MORN1: variants seen among roughly 807,000 people sequenced by gnomAD.
The protein encoded by MORN1 is MORN repeat-containing protein 1.
In MORN1, 67 loss-of-function variants were observed where a neutral mutation model predicts 61.9. The observed-to-expected ratio is 1.08, with a 90% CI of 0.89 to 1.33. MORN1 has a LOEUF of 1.33. Among genes scored for constraint, MORN1 ranks in the 40% most tolerant of loss-of-function variants. The pLI is 0.00. For synonymous variants in MORN1, 301 were observed against 292.0 expected (o/e 1.03, Z -0.31); for missense variants, 752 against 691.2 (o/e 1.09, Z -0.99).
chr1:2,325,906 T>C (rs773722841), intron 12 of MORN1, among the ~76,000 whole-genome samples: 1 of 152,228 alleles, frequency 6.6e-6, no homozygotes, highest in Non-Finnish European at 1.5e-5. Context: ...ATTACTGGCA[T>C]GAGCCACCGT....
Position 2,323,108 on chromosome 1 carries a change from A to G in MORN1, c.1297+989T>C. 7.1e-6 allele frequency: 7 copies of G among 985,374 alleles called. No homozygotes were observed. The South Asian group carries it at 2.8e-4, about 40-fold the overall frequency. 61.0% of individuals were successfully genotyped at this position (985,374 alleles called of 1,614,324 possible). A position where few individuals can be genotyped will look rare whatever the true frequency, so the allele number is the denominator to read the frequency against. On this transcript the variant is annotated intron_variant, in intron 13 of 13. Coordinates refer to ENST00000378531, the MANE Select transcript of MORN1 (RefSeq NM_024848.3). ...GCGCCTAGCCGATTCCTGTCACTGC[A>G]GAGATGTCCCCGCCCCCTCCTGGGA...
At chr1:2,322,119 CG>C (rs1557863315) in intron 13 of MORN1, 7 of 985,296 alleles carry the variant, frequency 7.1e-6, no homozygotes, top group Non-Finnish European at 8.4e-6. Flanking sequence ...GGCTGGAGGG[CG>C]GCCCTGCTGG....
chr1:2,390,658 G>A (rs1047400773), intron 1 of MORN1: 1 of 985,400 alleles, frequency 1.0e-6, no homozygotes, highest in Non-Finnish European at 1.2e-6. Flanking sequence ...TCCCAAATCA[G>A]GGTCAGGTTC....
intron 6 of MORN1, among the ~76,000 whole-genome samples, chr1:2,379,401 G>C (rs527954754): frequency 5.9e-5 from 9 of 152,362 alleles, no homozygotes; most frequent in African/African-American, 1.9e-4. Flanking sequence ...GCAGTTCTAA[G>C]AGGCAACTCA....
At chr1:2,322,067 C>T (rs989046386) in intron 13 of MORN1, 4 of 985,292 alleles carry the variant, frequency 4.1e-6, no homozygotes, top group Admixed American at 6.2e-5. Context: ...GAAGCCCCGC[C>T]CTGGCCCCTT....
rs1641312767 is a variant in MORN1, at chr1:2,337,879, G to C, written c.1037-1029C>G. Among the ~76,000 whole-genome samples, 1 of 152,188 alleles carries C rather than the reference G, an allele frequency of 6.6e-6. No individual in the cohort carries two copies. ...CACAGATGAGTGTCCCCACCAGGCA[G>C]TGACACCATCAAAAAAACAGAAGAG... On this transcript the variant is annotated intron_variant, in intron 10 of 13. Transcript: ENST00000378531. The surrounding 1 kb of genome is among the most constrained non-coding windows in gnomAD (Gnocchi z 5.7).
chr1:2,329,386 C>T (rs1470705975), intron 12 of MORN1, among the ~76,000 whole-genome samples: 1 of 152,218 alleles, frequency 6.6e-6, no homozygotes, highest in Admixed American at 6.5e-5. Flanking sequence ...GGCTGAACTC[C>T]CACCTGGAGG....
intron 10 of MORN1, among the ~76,000 whole-genome samples, chr1:2,356,292 GC>G (rs1481176426): frequency 1.3e-5 from 2 of 152,194 alleles, no homozygotes; most frequent in Non-Finnish European, 2.9e-5. Context: ...ACAAGGGCTG[GC>G]ATATGAGGCG....
At chr1:2,350,040 C>T (rs892773844) in intron 10 of MORN1, among the ~76,000 whole-genome samples, 3 of 152,224 alleles carry the variant, frequency 2.0e-5, no homozygotes, top group African/African-American at 7.2e-5. Flanking sequence ...ACCTGCACTC[C>T]AACTCAATGG....
chr1:2,388,410 G>C (rs1642557162), intron 2 of MORN1, 73 bp from the exon 3 acceptor site: 4 of 1,221,024 alleles, frequency 3.3e-6, no homozygotes, highest in Middle Eastern at 1.9e-4. Context: ...GCAGTGTTGG[G>C]CCTGTTTCTC....
intron 8 of MORN1, among the ~76,000 whole-genome samples, chr1:2,363,808 A>ACAAAAAC (rs202168229): frequency 1.1e-5 from 1 of 93,068 alleles, no homozygotes; most frequent in Admixed American, 1.1e-4. Flanking sequence ...AAACAAACAA[A>ACAAAAAC]AAAATATATA....
chr1:2,329,980 AG>A (rs1249110898), intron 12 of MORN1, among the ~76,000 whole-genome samples: 3 of 151,942 alleles, frequency 2.0e-5, no homozygotes, highest in Non-Finnish European at 4.4e-5. Flanking sequence ...GCTCCGGGTG[AG>A]GGGGGAGCTC....
chr1:2,325,641 GATTT>G (rs1317786480), intron 12 of MORN1, among the ~76,000 whole-genome samples: 30 of 98,934 alleles, frequency 3.0e-4, no homozygotes, highest in Non-Finnish European at 5.3e-4. Flanking sequence ...GGCCTTTGTT[GATTT>G]TTTTTTTTTT....
chr1:2,387,923 C>CCGGCAA (rs1478416262), intron 3 of MORN1: 3 of 422,092 alleles, frequency 7.1e-6, no homozygotes, highest in Non-Finnish European at 1.3e-5. Flanking sequence ...CACACAGCTC[C>CCGGCAA]CGGCAACGAA....
intron 6 of MORN1, among the ~76,000 whole-genome samples, chr1:2,379,730 T>C (rs1265307896): frequency 6.6e-6 from 1 of 152,138 alleles, no homozygotes; most frequent in Non-Finnish European, 1.5e-5. Context: ...TTTACAAAAA[T>C]AACAGAAAAT....
chr1:2,381,757 G>A (rs575619084), intron 6 of MORN1, among the ~76,000 whole-genome samples: 5 of 152,292 alleles, frequency 3.3e-5, no homozygotes, highest in Admixed American at 6.5e-5. Flanking sequence ...TTGGGGGCCC[G>A]GCTCTCAGGA....
At chr1:2,370,468 TA>T (rs1178288143) in intron 8 of MORN1, among the ~76,000 whole-genome samples, 13 of 151,924 alleles carry the variant, frequency 8.6e-5, no homozygotes, top group African/African-American at 2.9e-4. Flanking sequence ...CTATGCTCCA[TA>T]AAAGAAAAAA....
intron 6 of MORN1, chr1:2,375,442 A>C (rs922155777): frequency 2.6e-5 from 4 of 152,472 alleles, no homozygotes; most frequent in Admixed American, 1.3e-4. Context: ...AGGGCTGAGG[A>C]GTGTGGCAGA....
chr1:2,368,103 T>A (rs1018703658), intron 8 of MORN1, among the ~76,000 whole-genome samples: 4 of 152,272 alleles, frequency 2.6e-5, no homozygotes, highest in African/African-American at 9.6e-5. Context: ...ACTGTCTGAC[T>A]GCCCACAAAA....
Sources: allele counts gnomAD v4.1 joint callset (sites outside exome capture counted in the v4.1 genomes callset), GRCh38; gene constraint gnomAD v4.1.1; non-coding constraint Gnocchi (gnomAD v3.1); transcripts MANE v1.5; gene names NCBI Gene and HGNC (gene_info 2026-07-23, HGNC 2026-07-21).